The following BRD1 variants were observed in gnomAD, a reference collection of about 807,000 sequenced individuals.
BRD1 encodes bromodomain-containing protein 1.
A neutral mutation model predicts 107.7 loss-of-function variants in BRD1; 24 were observed. The ratio of observed to expected loss-of-function variants is 0.22; its 90% CI spans 0.16 to 0.31. The LOEUF (loss-of-function observed/expected upper bound fraction) is 0.31. Among genes scored for constraint, BRD1 ranks in the 10% least tolerant of loss-of-function variants. The pLI, the probability that BRD1 is intolerant of heterozygous loss-of-function variation, is 1.00. For synonymous variants in BRD1, 744 were observed against 686.1 expected (o/e 1.08, Z -1.32); for missense variants, 1,279 against 1,638.6 (o/e 0.78, Z 3.79).
At chr22:49,819,509 T>C (rs1267940590) in intron 2 of BRD1, among the ~76,000 whole-genome samples, 1 of 151,560 alleles carries the variant, frequency 6.6e-6, no homozygotes, top group African/African-American at 2.4e-5. Context: ...GCCATAACCA[T>C]GCCACTGCAC....
chr22:49,795,029 A>C (rs970598194), intron 6 of BRD1, among the ~76,000 whole-genome samples: 2 of 152,206 alleles, frequency 1.3e-5, no homozygotes, highest in East Asian at 1.9e-4. Context: ...AAGACTGCCC[A>C]AAAACACATG....
At chr22:49,817,964 G>A (rs1014191168) in intron 2 of BRD1, among the ~76,000 whole-genome samples, 5 of 152,136 alleles carry the variant, frequency 3.3e-5, no homozygotes, top group African/African-American at 9.7e-5. Flanking sequence ...CTGAGCCACC[G>A]CACCCAGTCA....
intron 8 of BRD1, among the ~76,000 whole-genome samples, chr22:49,781,346 G>A (rs1425706175): frequency 6.6e-6 from 1 of 152,170 alleles, no homozygotes; most frequent in African/African-American, 2.4e-5. Context: ...GAGACTGAAG[G>A]CCACAGCGGC....
intron 12 of BRD1, 127 bp downstream of exon 12, chr22:49,775,464 T>A: frequency 2.1e-6 from 2 of 972,858 alleles, no homozygotes; most frequent in Non-Finnish European, 2.7e-6. Flanking sequence ...AGCACTCACC[T>A]CCGACTTTAG....
At chr22:49,798,826 G>C (rs2059585939) in intron 4 of BRD1, 140 bp from the exon 5 acceptor site, 1 of 1,431,802 alleles carries the variant, frequency 7.0e-7, no homozygotes, top group African/African-American at 1.4e-5. Context: ...TCCACTTAGG[G>C]CTCTGCAACC....
intron 11 of BRD1, 73 bp from the exon 12 acceptor site, chr22:49,775,818 C>CCCCACCG (rs2059073777): frequency 7.8e-7 from 1 of 1,281,136 alleles, no homozygotes; most frequent in African/African-American, 2.9e-5. Context: ...CACTGGCACC[C>CCCCACCG]CCCCCCGCCT....
intron 2 of BRD1, among the ~76,000 whole-genome samples, chr22:49,809,464 A>G (rs535915765): frequency 6.6e-6 from 1 of 150,870 alleles, no homozygotes; most frequent in South Asian, 2.1e-4. Context: ...TCGCTTGAAC[A>G]CGGGAGGCGG....
intron 2 of BRD1, among the ~76,000 whole-genome samples, chr22:49,809,223 T>G (rs975108179): frequency 1.3e-5 from 2 of 151,736 alleles, no homozygotes; most frequent in Non-Finnish European, 2.9e-5. Context: ...AATGAAGAGG[T>G]TGTCAATCTG....
chr22:49,790,331 T>A (rs1025907400), intron 7 of BRD1, among the ~76,000 whole-genome samples: 10 of 152,164 alleles, frequency 6.6e-5, no homozygotes, highest in Admixed American at 1.3e-4. Context: ...GAAGTTGACA[T>A]ACAAGAAGGA....
chr22:49,774,538 A>C, intron 12 of BRD1, 122 bp from the exon 13 acceptor site: 4 of 1,091,496 alleles, frequency 3.7e-6, no homozygotes, highest in Non-Finnish European at 5.2e-6. Flanking sequence ...CAGCACCACC[A>C]AGACAGCTGG....
chr22:49,820,529 CCAA>C (rs1273807328), intron 2 of BRD1, among the ~76,000 whole-genome samples: 1 of 152,182 alleles, frequency 6.6e-6, no homozygotes, highest in Non-Finnish European at 1.5e-5. Context: ...TCGCTTGAGT[CCAA>C]GAGTTTGAGG....
intron 7 of BRD1, among the ~76,000 whole-genome samples, chr22:49,788,252 C>T (rs1231284685): frequency 6.6e-6 from 1 of 152,170 alleles, no homozygotes; most frequent in African/African-American, 2.4e-5. Flanking sequence ...CTAAAGGGGC[C>T]TTAAACGGGC....
chr22:49,804,092 G>C (rs535198150), intron 3 of BRD1, 112 bp downstream of exon 3: 1 of 928,142 alleles, frequency 1.1e-6, no homozygotes, highest in East Asian at 3.0e-5. Context: ...GCTTCCCAAC[G>C]GGGAGCCTGA....
chr22:49,783,324 T>C lies in BRD1; in HGVS notation c.2857+4066A>G, dbSNP rs575034422. On this transcript the variant is annotated intron_variant, in intron 8 of 12. Coordinates refer to ENST00000404760, the MANE Select transcript of BRD1 (RefSeq NM_001304808.3). This position sits in a 1 kb window ranked among gnomAD's most constrained non-coding sequence, Gnocchi z 4.2. ...CACTGCTCAAGAATCCACTGGGCAT[T>C]GTGGGGAAAAAACAGAGGAAGGGGA... is the stretch of plus-strand genomic sequence containing the variant. Among the ~76,000 whole-genome samples, 1 of 152,274 alleles carries C rather than the reference T, an allele frequency of 6.6e-6. No homozygotes were observed. Among genetic ancestry groups the C allele is most frequent in the South Asian group, 2.1e-4 (1 of 4,820 alleles).
chr22:49,775,584 A>G lies in BRD1; in HGVS notation c.3386+7T>C, dbSNP rs1469799633. ...CGGTCCCCGGAGTCTAAGGCCTCTCAACTCACCAACTTCTCTTATTATCAA... is the reference window on the plus strand; with the variant it reads ...CGGTCCCCGGAGTCTAAGGCCTCTCGACTCACCAACTTCTCTTATTATCAA... On this transcript the variant is annotated splice_region_variant and intron_variant, in intron 12 of 12. Coordinates refer to ENST00000404760, the MANE Select transcript of BRD1 (RefSeq NM_001304808.3). 6.2e-7 allele frequency: 1 copy of G among 1,600,028 alleles called. No individual in the cohort carries two copies. The highest frequency in any genetic ancestry group is 1.1e-5 in the South Asian group (1 of 88,598).
intron 3 of BRD1, 109 bp downstream of exon 3, chr22:49,804,095 G>A: frequency 2.1e-6 from 2 of 942,592 alleles, no homozygotes; most frequent in Non-Finnish European, 3.0e-6. Context: ...TCCCAACGGG[G>A]AGCCTGAGCC....
chr22:49,777,290 G>A, intron 9 of BRD1, 129 bp from the exon 10 acceptor site: 2 of 1,417,364 alleles, frequency 1.4e-6, no homozygotes, highest in East Asian at 2.3e-5. Flanking sequence ...CGGCCAGACG[G>A]GCCTGTGGGT....
chr22:49,791,789 G>A (rs1285298321), intron 7 of BRD1, among the ~76,000 whole-genome samples: 1 of 151,654 alleles, frequency 6.6e-6, no homozygotes, highest in East Asian at 1.9e-4. Flanking sequence ...GCCTCACCTC[G>A]GAGTGGACTT....
At chr22:49,791,550 T>C (rs1351712350) in intron 7 of BRD1, among the ~76,000 whole-genome samples, 4 of 152,234 alleles carry the variant, frequency 2.6e-5, no homozygotes, top group Non-Finnish European at 4.4e-5. Flanking sequence ...AGAACGTTCA[T>C]GCTGGGTTTT....
Sources: gnomAD v4.1 joint callset for allele counts (sites outside exome capture counted in the v4.1 genomes callset) on GRCh38, gnomAD v4.1.1 for gene constraint, Gnocchi (gnomAD v3.1) non-coding constraint, MANE v1.5 for transcripts, NCBI Gene and HGNC (gene_info 2026-07-23, HGNC 2026-07-21) for gene names.